Variants in OMA1 observed in about 807,000 individuals in gnomAD.
OMA1 encodes metalloendopeptidase OMA1, mitochondrial.
OMA1 carries 38 observed loss-of-function variants against 30.9 expected under a neutral mutation model. The observed-to-expected ratio is 1.23, with a 90% CI of 0.95 to 1.61. OMA1 has a LOEUF of 1.61. Ranked by LOEUF, OMA1 falls within the 40% of genes most tolerant of loss-of-function variation. The pLI is 0.00. For synonymous variants in OMA1, 173 were observed against 121.9 expected (o/e 1.42, Z -2.76); for missense variants, 461 against 349.2 (o/e 1.32, Z -2.55).
chr1:58,486,357 A>G (rs1236266138), intron 8 of OMA1, among the ~76,000 whole-genome samples: 1 of 152,204 alleles, frequency 6.6e-6, no homozygotes, highest in Non-Finnish European at 1.5e-5. Flanking sequence ...AAGACTCCTA[A>G]GACCACTGTT....
At chr1:58,530,269 T>G (rs536305521) in intron 6 of OMA1, among the ~76,000 whole-genome samples, 284 of 152,320 alleles carry the variant, frequency 1.9e-3, no homozygotes, top group Non-Finnish European at 2.6e-3. Flanking sequence ...CAGCTGAATT[T>G]GGGAGTCATT....
chr1:58,498,070 A>G (rs1023681425), intron 8 of OMA1, among the ~76,000 whole-genome samples: 2 of 152,168 alleles, frequency 1.3e-5, no homozygotes, highest in Non-Finnish European at 1.5e-5. Flanking sequence ...TCTGGGCTTT[A>G]TATCAAAATA....
intron 7 of OMA1, among the ~76,000 whole-genome samples, chr1:58,511,194 T>C (rs1224600930): frequency 2.0e-5 from 3 of 152,138 alleles, no homozygotes; most frequent in African/African-American, 7.2e-5. Flanking sequence ...AGAGTAAGAC[T>C]AGAGGCATCA....
At chr1:58,525,592 A>C (rs952004948) in intron 7 of OMA1, among the ~76,000 whole-genome samples, 1 of 152,130 alleles carries the variant, frequency 6.6e-6, no homozygotes, top group Non-Finnish European at 1.5e-5. Context: ...AAAATATATC[A>C]TATTTATGGA....
chr1:58,503,205 T>C (rs1219210625), intron 8 of OMA1, among the ~76,000 whole-genome samples: 1 of 151,928 alleles, frequency 6.6e-6, no homozygotes, highest in African/African-American at 2.4e-5. Context: ...AGAAAAAAAA[T>C]TCAAGAGAAA....
chr1:58,492,602 G>C (rs1436303635), intron 8 of OMA1, among the ~76,000 whole-genome samples: 1 of 152,132 alleles, frequency 6.6e-6, no homozygotes, highest in Non-Finnish European at 1.5e-5. Context: ...CGATCCCACA[G>C]AAATACAAAC....
At chr1:58,540,522 T>A (rs1237933651) in intron 1 of OMA1, among the ~76,000 whole-genome samples, 1 of 151,344 alleles carries the variant, frequency 6.6e-6, no homozygotes, top group Non-Finnish European at 1.5e-5. Context: ...AATATGAGCA[T>A]GTTATGTAGA....
chr1:58,520,983 C>G (rs1347222127), intron 7 of OMA1, among the ~76,000 whole-genome samples: 1 of 152,098 alleles, frequency 6.6e-6, no homozygotes, highest in African/African-American at 2.4e-5. Context: ...GAACACCACC[C>G]GCAATGGCAG....
At chr1:58,536,017 T>C (rs1419138937) in intron 3 of OMA1, among the ~76,000 whole-genome samples, 1 of 152,066 alleles carries the variant, frequency 6.6e-6, no homozygotes, top group Non-Finnish European at 1.5e-5. Context: ...CCTGCCCCCA[T>C]GAAGCTTAGT....
At chr1:58,508,684 T>C (rs888405375) in intron 7 of OMA1, among the ~76,000 whole-genome samples, 1 of 152,114 alleles carries the variant, frequency 6.6e-6, no homozygotes, top group Non-Finnish European at 1.5e-5. Flanking sequence ...GCCAGCCTTG[T>C]AGCACTGATG....
chr1:58,484,794 G>A (rs1645546385), intron 8 of OMA1, among the ~76,000 whole-genome samples: 1 of 152,084 alleles, frequency 6.6e-6, no homozygotes, highest in Non-Finnish European at 1.5e-5. Context: ...ATATTGCTAA[G>A]AGAAAAAAGC....
Position 58,518,339 on chromosome 1 carries a change from AGAAGAGAAGAGAAGG to A in OMA1, c.1215+8907_1215+8921del, listed in dbSNP as rs1212938696. Among the ~76,000 whole-genome samples, 116 of 97,854 alleles carry A rather than the reference AGAAGAGAAGAGAAGG, an allele frequency of 1.2e-3. 27 individuals carry two copies. The highest frequency in any genetic ancestry group is 2.9e-3 in the East Asian group (9 of 3,098). 64.2% of individuals were successfully genotyped at this position (97,854 alleles called of 152,430 possible). ...AGAAGAGAAGAGAAGAGAAGAGAAGAGAAGAGAAGAGAAGGGAAGGGAAGAGAAGAGAAGGGAAGA... is the reference window on the plus strand; with the variant it reads ...AGAAGAGAAGAGAAGAGAAGAGAAGAGAAGGGAAGAGAAGAGAAGGGAAGA... On this transcript the variant is annotated intron_variant, in intron 7 of 8. Coordinates refer to ENST00000371226, the MANE Select transcript of OMA1 (RefSeq NM_145243.5).
At chr1:58,527,688 T>C (rs1022862764) in intron 6 of OMA1, among the ~76,000 whole-genome samples, 3 of 152,190 alleles carry the variant, frequency 2.0e-5, no homozygotes, top group Non-Finnish European at 2.9e-5. Context: ...AAGGAATATT[T>C]TGACCTTGAG....
At chr1:58,539,357 A>G in intron 1 of OMA1, 47 bp from the exon 2 acceptor site, 1 of 736,802 alleles carries the variant, frequency 1.4e-6, no homozygotes, top group Non-Finnish European at 2.3e-6. Context: ...ATATTTACTT[A>G]CCAAACTGGG....
chr1:58,492,295 G>C lies in OMA1; in HGVS notation c.1366-11121C>G, dbSNP rs1035094374. ...TAGAGGGAAATTTATAGCACTAAAT[G>C]CTCACAAAAGAAAGCAGGAAAGATC... On this transcript the variant is annotated intron_variant, in intron 8 of 8. Coordinates refer to ENST00000371226, the MANE Select transcript of OMA1 (RefSeq NM_145243.5). 3.3e-5 allele frequency among the ~76,000 whole-genome samples: 5 copies of C among 152,032 alleles called. No homozygotes were observed. The East Asian group carries it at 7.7e-4, about 23-fold the overall frequency.
At chr1:58,481,961 G>A (rs1392379405) in intron 8 of OMA1, among the ~76,000 whole-genome samples, 2 of 152,174 alleles carry the variant, frequency 1.3e-5, no homozygotes, top group African/African-American at 2.4e-5. Flanking sequence ...TGTTTCATTA[G>A]CAGCATGAGA....
intron 7 of OMA1, among the ~76,000 whole-genome samples, chr1:58,523,989 C>T (rs1047203314): frequency 2.6e-5 from 4 of 151,966 alleles, no homozygotes; most frequent in African/African-American, 7.2e-5. Flanking sequence ...CCAGAAAAAG[C>T]GTTCTCATTG....
intron 7 of OMA1, among the ~76,000 whole-genome samples, chr1:58,518,745 G>T (rs564386788): frequency 1.3e-5 from 2 of 152,116 alleles, no homozygotes; most frequent in South Asian, 4.1e-4. Flanking sequence ...GAGAAATTAA[G>T]AATTTAATAT....
At chr1:58,528,543 C>T (rs1646385861) in intron 6 of OMA1, among the ~76,000 whole-genome samples, 1 of 152,194 alleles carries the variant, frequency 6.6e-6, no homozygotes, top group Non-Finnish European at 1.5e-5. Flanking sequence ...ATATTTATTA[C>T]TGTCATAACT....
Sources: gnomAD v4.1 joint callset for allele counts (sites outside exome capture counted in the v4.1 genomes callset) on GRCh38, gnomAD v4.1.1 for gene constraint, MANE v1.5 for transcripts, NCBI Gene and HGNC (gene_info 2026-07-23, HGNC 2026-07-21) for gene names.